The following CNTN6 variants were observed in gnomAD, a reference collection of about 807,000 sequenced individuals.
CNTN6 encodes the protein contactin-6.
A neutral mutation model predicts 122.8 loss-of-function variants in CNTN6; 137 were observed. The observed-to-expected ratio is 1.12, with a 90% CI of 0.97 to 1.29. The LOEUF is 1.29. CNTN6 is among the 50% of genes most tolerant of loss of function. The pLI, the probability that CNTN6 is intolerant of heterozygous loss-of-function variation, is 0.00. For missense variants in CNTN6, 1,634 were observed against 1,223.4 expected (o/e 1.34, Z -5.01); for synonymous variants, 570 against 426.0 (o/e 1.34, Z -4.16).
At position 1,373,673 on chromosome 3, in the gene CNTN6, G is replaced by C. The variant is rs902096609; in HGVS notation, c.1856G>C (p.Arg619Thr). The change falls in exon 15 of 23, where the codon AGA becomes ACA. Residue 619 changes from arginine to threonine, a missense_variant. Transcript: ENST00000446702. ...ISSTTSQLSW[R>T]AGPDNNSPIQ... ...AGTACTACTTCTCAACTAAGTTGGA[G>C]AGCAGGCCCAGATAATAACAGTCCC... 1.2e-6 allele frequency: 2 copies of C among 1,612,970 alleles called. No individual in the cohort carries two copies. The highest frequency in any genetic ancestry group is 1.3e-5 in the African/African-American group (1 of 74,796).
At chr3:1,099,793 A>G (rs1451076197) in intron 1 of CNTN6, among the ~76,000 whole-genome samples, 7 of 152,200 alleles carry the variant, frequency 4.6e-5, no homozygotes, top group Non-Finnish European at 5.9e-5. Context: ...ATATTCAACC[A>G]AAGTGTTTTT....
chr3:1,388,063 G>C (rs1057084110), intron 20 of CNTN6, among the ~76,000 whole-genome samples: 1 of 151,472 alleles, frequency 6.6e-6, no homozygotes, highest in African/African-American at 2.4e-5. Flanking sequence ...GCCCACCACA[G>C]CTCAAGGAGG....
intron 11 of CNTN6, among the ~76,000 whole-genome samples, chr3:1,346,262 A>G (rs749805129): frequency 6.8e-4 from 104 of 152,178 alleles, no homozygotes; most frequent in Non-Finnish European, 1.3e-3. Flanking sequence ...AGTTCATACA[A>G]TGCAGGTGCT....
intron 9 of CNTN6, 148 bp downstream of exon 9, chr3:1,326,099 C>A: frequency 6.7e-6 from 4 of 592,802 alleles, no homozygotes; most frequent in South Asian, 3.3e-5. Context: ...TTATTTAATC[C>A]TTAAATAAAC....
chr3:1,230,473 A>T (rs1363446143), intron 4 of CNTN6, among the ~76,000 whole-genome samples: 1 of 152,150 alleles, frequency 6.6e-6, no homozygotes, highest in East Asian at 1.9e-4. Flanking sequence ...ACATCTATAT[A>T]TTTCAAACCA....
At chr3:1,342,274 C>G (rs751637523) in intron 11 of CNTN6, among the ~76,000 whole-genome samples, 1 of 151,976 alleles carries the variant, frequency 6.6e-6, no homozygotes, top group Admixed American at 6.6e-5. Flanking sequence ...GGATTACAGG[C>G]GAGCGCCACC....
At chr3:1,378,931 A>G (rs533534848) in intron 17 of CNTN6, among the ~76,000 whole-genome samples, 2 of 152,276 alleles carry the variant, frequency 1.3e-5, no homozygotes, top group African/African-American at 2.4e-5. Context: ...TATTTCCCAT[A>G]AAACACTGAC....
At chr3:1,241,978 A>C (rs2094491693) in intron 4 of CNTN6, among the ~76,000 whole-genome samples, 1 of 152,256 alleles carries the variant, frequency 6.6e-6, no homozygotes, top group Non-Finnish European at 1.5e-5. Flanking sequence ...CTCTTGTGTA[A>C]GAATTCCGAC....
At chr3:1,145,587 T>G (rs545710178) in intron 1 of CNTN6, among the ~76,000 whole-genome samples, 319 of 152,316 alleles carry the variant, frequency 2.1e-3, no homozygotes, top group Admixed American at 3.7e-3. Context: ...TATTGATAAT[T>G]CTGCCATGAC....
At chr3:1,112,127 AG>A (rs1210014596) in intron 1 of CNTN6, among the ~76,000 whole-genome samples, 1 of 152,164 alleles carries the variant, frequency 6.6e-6, no homozygotes, top group Non-Finnish European at 1.5e-5. Context: ...GTAAAACTTA[AG>A]GATCAGTTCA....
Position 1,095,156 on chromosome 3 carries a change from A to G in CNTN6, c.-83+2036A>G, listed in dbSNP as rs191048339. Among the ~76,000 whole-genome samples, 407 of 145,630 alleles carry G rather than the reference A, an allele frequency of 2.8e-3. 2 individuals carry two copies. The highest frequency in any genetic ancestry group is 0.011 in the African/African-American group (382 of 35,362). ...ATAGATACTCTTCTGTAAGAATGAG[A>G]TCTTATCCTACACTTAAAAAAAAAC... On this transcript the variant is annotated intron_variant, in intron 1 of 22. Coordinates refer to ENST00000446702, the MANE Select transcript of CNTN6 (RefSeq NM_001289080.2).
chr3:1,254,151 A>G (rs563569597), intron 4 of CNTN6, among the ~76,000 whole-genome samples: 2 of 152,318 alleles, frequency 1.3e-5, no homozygotes, highest in East Asian at 1.9e-4. Context: ...TTTTAAAGAC[A>G]TAAAATATAC....
chr3:1,278,491 C>T lies in CNTN6; in HGVS notation c.437C>T (p.Pro146Leu). 6.2e-7 allele frequency: 1 copy of T among 1,611,432 alleles called. No homozygotes were observed. The highest frequency in any genetic ancestry group is 8.5e-7 in the Non-Finnish European group (1 of 1,178,218). ...EGQGVVLLCG[P>L]PPHFGDLSYA... is the part of the protein sequence containing the mutation. ...CAAGGTGTGGTGCTTCTCTGTGGCCCACCGCCACATTTTGGAGGTATGATG... is the reference window on the plus strand; with the variant it reads ...CAAGGTGTGGTGCTTCTCTGTGGCCTACCGCCACATTTTGGAGGTATGATG... The change falls in exon 5 of 23, where the codon CCA becomes CTA. Residue 146 changes from proline to leucine, a missense_variant. Coordinates refer to ENST00000446702, the MANE Select transcript of CNTN6 (RefSeq NM_001289080.2).
At chr3:1,201,099 T>TTGTGTGTGTGTGTGTGTG (rs57028088) in intron 2 of CNTN6, among the ~76,000 whole-genome samples, 36 of 130,088 alleles carry the variant, frequency 2.8e-4, no homozygotes, top group East Asian at 1.6e-3. Context: ...AGCTAACATT[T>TTGTGTGTGTGTGTGTGTG]TGTGTGTGTG....
chr3:1,250,653 G>A (rs542287630), intron 4 of CNTN6, among the ~76,000 whole-genome samples: 15 of 152,068 alleles, frequency 9.9e-5, no homozygotes, highest in East Asian at 3.9e-4. Context: ...GAATGTTCCC[G>A]TATCTGAACC....
At chr3:1,113,307 C>A (rs1172310593) in intron 1 of CNTN6, among the ~76,000 whole-genome samples, 2 of 152,084 alleles carry the variant, frequency 1.3e-5, no homozygotes, top group Admixed American at 1.3e-4. Flanking sequence ...CTTCATCTTA[C>A]TAAAAAAGAT....
At chr3:1,115,662 G>C (rs1054983610) in intron 1 of CNTN6, among the ~76,000 whole-genome samples, 4 of 152,174 alleles carry the variant, frequency 2.6e-5, no homozygotes, top group African/African-American at 9.7e-5. Flanking sequence ...TGAGGCAGGA[G>C]AATTGCTTGA....
chr3:1,278,422 A>C lies in CNTN6; in HGVS notation c.368A>C (p.Asp123Ala). The C allele has an allele frequency of 1.9e-6, 3 of 1,600,932 alleles. No individual in the cohort carries two copies. Among genetic ancestry groups the C allele is most frequent in the Non-Finnish European group, 2.6e-6 (3 of 1,171,254 alleles). Residue 123 changes from aspartate to alanine, a missense_variant, in exon 5 of 23, where the codon GAC (aspartate) becomes GCC (alanine). Coordinates refer to ENST00000446702, the MANE Select transcript of CNTN6 (RefSeq NM_001289080.2). Reference sequence around the variant, plus strand: ...TTCTTTGTTTTCCAAGATATTGAAGACTTTGAAACTAAAACAAGAAGCACA... The same window carrying C: ...TTCTTTGTTTTCCAAGATATTGAAGCCTTTGAAACTAAAACAAGAAGCACA... ...KAKLQFAYIE[D>A]FETKTRSTVS...
chr3:1,147,386 A>G (rs1379974258), intron 1 of CNTN6, among the ~76,000 whole-genome samples: 1 of 152,100 alleles, frequency 6.6e-6, no homozygotes, highest in Non-Finnish European at 1.5e-5. Context: ...TTAATTGTTG[A>G]GCTTACCTAC....
Sources: allele counts gnomAD v4.1 joint callset (sites outside exome capture counted in the v4.1 genomes callset), GRCh38; gene constraint gnomAD v4.1.1; transcripts MANE v1.5; gene names NCBI Gene and HGNC (gene_info 2026-07-23, HGNC 2026-07-21).